BPIFC: variants seen among roughly 807,000 people sequenced by gnomAD.
The protein encoded by BPIFC is BPI fold-containing family C protein.
A neutral mutation model predicts 57.6 loss-of-function variants in BPIFC; 60 were observed. The ratio of observed to expected loss-of-function variants is 1.04; its 90% CI spans 0.85 to 1.29. BPIFC has a LOEUF of 1.29. Ranked by LOEUF, BPIFC falls within the 50% of genes most tolerant of loss-of-function variation. BPIFC has a pLI of 0.00. For synonymous variants in BPIFC, 243 were observed against 224.5 expected (o/e 1.08, Z -0.74); for missense variants, 581 against 600.5 (o/e 0.97, Z 0.34).
rs139825595 is a variant in BPIFC, at chr22:32,450,336, G to A, written c.246-2996C>T. Among the ~76,000 whole-genome samples the A allele has an allele frequency of 3.8e-3, 577 of 152,256 alleles. 2 individuals carry two copies. The highest frequency in any genetic ancestry group is 0.013 in the African/African-American group (546 of 41,546). On this transcript the variant is annotated intron_variant, in intron 4 of 16. Transcript: ENST00000300399. The stretch of plus-strand genomic sequence containing the variant: ...AGGCTATGTCATATAGCCTAGGTAT[G>A]TAGTTAGCTATACCATCTAGGTTCG...
intron 13 of BPIFC, among the ~76,000 whole-genome samples, chr22:32,424,705 CTCTTCTTCT>C (rs1220505896): frequency 0.027 from 1,279 of 48,044 alleles, 248 homozygotes; most frequent in Non-Finnish European, 0.037. Context: ...CTTCTTCTTC[CTCTTCTTCT>C]TCCTCTTCTT....
Position 32,447,195 on chromosome 22 carries a change from T to G in BPIFC, c.374+17A>C. On this transcript the variant is annotated intron_variant, in intron 5 of 16. Transcript: ENST00000300399. Reference sequence around the variant, plus strand: ...ATTCTCCCAGAACAGCTGCAGACATTTCAGTGGAATACTCACAAAAGTGGA... The same window carrying G: ...ATTCTCCCAGAACAGCTGCAGACATGTCAGTGGAATACTCACAAAAGTGGA... 1 of 1,566,328 alleles carries G rather than the reference T, an allele frequency of 6.4e-7. No homozygotes were observed. Among genetic ancestry groups the G allele is most frequent in the South Asian group, 1.2e-5 (1 of 84,418 alleles).
intron 16 of BPIFC, 141 bp from the exon 17 acceptor site, chr22:32,414,566 T>A: frequency 9.3e-7 from 1 of 1,075,742 alleles, no homozygotes; most frequent in Non-Finnish European, 1.3e-6. Context: ...CAGGCTGGAG[T>A]GTGGTGGTGC....
Position 32,436,305 on chromosome 22 carries a change from A to G in BPIFC, c.748-425T>C, listed in dbSNP as rs944910263. ...GACAGAGGGGGACCTTGTCCAAAAG[A>G]AGAAGAGGAAGAGGAAGAAGAAGAA... On this transcript the variant is annotated intron_variant, in intron 9 of 16. Coordinates refer to ENST00000300399, the MANE Select transcript of BPIFC (RefSeq NM_174932.3). Among the ~76,000 whole-genome samples the G allele has an allele frequency of 2.7e-5, 4 of 150,872 alleles. No individual in the cohort carries two copies. In the Admixed American group the frequency reaches 2.7e-4, roughly 10 times the overall value.
intron 13 of BPIFC, among the ~76,000 whole-genome samples, chr22:32,419,993 T>C (rs1933796464): frequency 2.6e-5 from 4 of 151,962 alleles, no homozygotes. Flanking sequence ...CGGAACTTAA[T>C]GTTGGCAACT....
intron 8 of BPIFC, among the ~76,000 whole-genome samples, chr22:32,440,879 T>A (rs1324563085): frequency 6.6e-6 from 1 of 152,178 alleles, no homozygotes; most frequent in African/African-American, 2.4e-5. Flanking sequence ...GTAGTCTCTT[T>A]GCTTTTGCCC....
Position 32,428,268 on chromosome 22 carries a change from T to TGC in BPIFC, c.1217+3077_1217+3078dup, listed in dbSNP as rs568493905. Among the ~76,000 whole-genome samples, 113 of 90,812 alleles carry TGC rather than the reference T, an allele frequency of 1.2e-3. 2 individuals are homozygous for TGC. The East Asian group carries it at 0.024, about 19-fold the overall frequency. 59.6% of individuals were successfully genotyped at this position (90,812 alleles called of 152,430 possible). On this transcript the variant is annotated intron_variant, in intron 13 of 16. Transcript: ENST00000300399. The stretch of plus-strand genomic sequence containing the variant: ...ATTAAAACGTGTGTGTGTGTGTGTG[T>TGC]GCGCGCGCGTGTGTGTGTGTGTGTG...
At chr22:32,445,264 G>A (rs767271068) in intron 7 of BPIFC, among the ~76,000 whole-genome samples, 2 of 152,198 alleles carry the variant, frequency 1.3e-5, no homozygotes, top group Admixed American at 6.5e-5. Context: ...TTGGCCAGGC[G>A]CGGTGGCTCA....
intron 13 of BPIFC, among the ~76,000 whole-genome samples, chr22:32,426,856 C>T (rs925710796): frequency 2.0e-5 from 3 of 150,386 alleles, no homozygotes; most frequent in African/African-American, 7.4e-5. Context: ...CGTGCCACTG[C>T]ACTCCAGCCC....
intron 4 of BPIFC, among the ~76,000 whole-genome samples, chr22:32,450,857 T>C (rs5754092): frequency 0.3 from 44,961 of 151,982 alleles, 7,111 homozygotes; most frequent in East Asian, 0.57. Context: ...AAATACGTCT[T>C]GTTCCAAGCA....
intron 8 of BPIFC, 106 bp downstream of exon 8, chr22:32,442,565 C>A: frequency 8.9e-7 from 1 of 1,126,562 alleles, no homozygotes; most frequent in Non-Finnish European, 1.3e-6. Flanking sequence ...GAATATGAAG[C>A]AGGATGGATA....
intron 12 of BPIFC, 25 bp from the exon 13 acceptor site, chr22:32,431,439 A>ATTTATTTATTTTTTATTTT: frequency 7.4e-7 from 1 of 1,343,078 alleles, no homozygotes; most frequent in Non-Finnish European, 1.1e-6. Flanking sequence ...AGCATTTATT[A>ATTTATTTATTTTTTATTTT]TTAAGACGAG....
chr22:32,462,168 C>CAAAAAAAAAAAAAAAAAAAAAAGAAAA (rs1935176395), intron 1 of BPIFC, among the ~76,000 whole-genome samples: 2 of 53,600 alleles, frequency 3.7e-5, no homozygotes, highest in South Asian at 1.2e-3. Context: ...GACTCCATCT[C>CAAAAAAAAAAAAAAAAAAAAAAGAAAA]AAAAAAAAAA....
chr22:32,459,169 G>A (rs1039767524), intron 2 of BPIFC, among the ~76,000 whole-genome samples: 1 of 152,166 alleles, frequency 6.6e-6, no homozygotes, highest in African/African-American at 2.4e-5. Flanking sequence ...GTACCACTGC[G>A]CTAACACACA....
intron 13 of BPIFC, among the ~76,000 whole-genome samples, chr22:32,427,572 C>T (rs940310911): frequency 1.3e-5 from 2 of 152,154 alleles, no homozygotes; most frequent in Non-Finnish European, 2.9e-5. Flanking sequence ...CTGAGCATCA[C>T]GGTCCCGATG....
At chr22:32,442,827 G>C (rs1934602614) in intron 7 of BPIFC, 96 bp from the exon 8 acceptor site, 1 of 1,161,380 alleles carries the variant, frequency 8.6e-7, no homozygotes. Flanking sequence ...AGGCCTTCTG[G>C]TTAGCAGTCA....
chr22:32,419,292 C>T (rs543560715), intron 14 of BPIFC, 70 bp downstream of exon 14: 14 of 1,457,066 alleles, frequency 9.6e-6, no homozygotes, highest in Middle Eastern at 1.8e-4. Flanking sequence ...ACAATTAATT[C>T]GCTATTATAT....
intron 14 of BPIFC, among the ~76,000 whole-genome samples, chr22:32,417,856 T>A (rs4476440): frequency 0.33 from 49,897 of 152,000 alleles, 8,628 homozygotes; most frequent in African/African-American, 0.43. Context: ...CACCCAATTT[T>A]TCTTTTTTTT....
At chr22:32,418,823 A>T (rs1010298481) in intron 14 of BPIFC, among the ~76,000 whole-genome samples, 3 of 152,134 alleles carry the variant, frequency 2.0e-5, no homozygotes, top group African/African-American at 7.2e-5. Context: ...ATCTTCCTGA[A>T]GCTTGAGGGA....
Sources: gnomAD v4.1 joint callset for allele counts (sites outside exome capture counted in the v4.1 genomes callset) on GRCh38, gnomAD v4.1.1 for gene constraint, MANE v1.5 for transcripts, NCBI Gene and HGNC (gene_info 2026-07-23, HGNC 2026-07-21) for gene names.